The following TANC1 variants were observed in gnomAD, a reference collection of about 807,000 sequenced individuals.
TANC1 encodes the protein protein TANC1.
In TANC1, 77 loss-of-function variants were observed where a neutral mutation model predicts 149.7. The observed-to-expected ratio is 0.51, with a 90% CI of 0.43 to 0.62. TANC1 has a LOEUF of 0.62. Ranked by LOEUF, TANC1 falls within the 20% of genes least tolerant of loss-of-function variation. The pLI is 0.00. For synonymous variants in TANC1, 854 were observed against 925.0 expected, an observed-to-expected ratio of 0.92 and a Z score of 1.39; for missense variants, 1,985 against 2,321.8, an observed-to-expected ratio of 0.85 and a Z score of 2.98.
chr2:159,186,100 T>G (rs1325462270), intron 15 of TANC1, among the ~76,000 whole-genome samples: 1 of 152,228 alleles, frequency 6.6e-6, no homozygotes, highest in Non-Finnish European at 1.5e-5. Context: ...TTGCTATAGT[T>G]GATTGCTCAA....
intron 3 of TANC1, among the ~76,000 whole-genome samples, chr2:159,079,751 C>A (rs2044069521): frequency 6.6e-6 from 1 of 152,130 alleles, no homozygotes; most frequent in South Asian, 2.1e-4. Context: ...CCAGTGCCCG[C>A]AATAACAGTT....
intron 3 of TANC1, among the ~76,000 whole-genome samples, chr2:159,067,151 A>G (rs534681976): frequency 7.2e-5 from 11 of 152,362 alleles, no homozygotes; most frequent in African/African-American, 7.2e-5. Context: ...AGATCTTGCA[A>G]TGCCTTGTGA....
chr2:159,229,016 G>C, intron 26 of TANC1, 120 bp downstream of exon 26: 1 of 715,468 alleles, frequency 1.4e-6, no homozygotes, highest in South Asian at 1.7e-5. Flanking sequence ...ATCCTTTTTA[G>C]TAGTGAATTA....
chr2:159,065,410 C>T (rs1213183044), intron 2 of TANC1, among the ~76,000 whole-genome samples: 2 of 152,184 alleles, frequency 1.3e-5, no homozygotes, highest in Non-Finnish European at 1.5e-5. Flanking sequence ...ATAAGATATG[C>T]CTCATTTCAT....
At chr2:159,142,697 T>C (rs1559337793) in intron 5 of TANC1, among the ~76,000 whole-genome samples, 2 of 151,666 alleles carry the variant, frequency 1.3e-5, no homozygotes, top group Non-Finnish European at 2.9e-5. Context: ...TGACAACCCA[T>C]GGTTATTCTG....
chr2:159,109,332 C>T (rs2047494667), intron 4 of TANC1, among the ~76,000 whole-genome samples: 1 of 152,102 alleles, frequency 6.6e-6, no homozygotes, highest in Non-Finnish European at 1.5e-5. Flanking sequence ...AATAATGGGG[C>T]TTCTAAGATG....
intron 7 of TANC1, among the ~76,000 whole-genome samples, chr2:159,156,955 G>T (rs894525222): frequency 6.6e-6 from 1 of 152,216 alleles, no homozygotes; most frequent in African/African-American, 2.4e-5. Context: ...GGAATGTGCG[G>T]CTCGGGCCCC....
intron 19 of TANC1, among the ~76,000 whole-genome samples, chr2:159,212,314 G>A (rs970356967): frequency 6.6e-6 from 1 of 152,140 alleles, no homozygotes; most frequent in Non-Finnish European, 1.5e-5. Flanking sequence ...GGAGGAAGAG[G>A]GAGTTGTTCC....
intron 4 of TANC1, among the ~76,000 whole-genome samples, chr2:159,125,310 G>A (rs914011644): frequency 6.6e-6 from 1 of 152,210 alleles, no homozygotes; most frequent in African/African-American, 2.4e-5. Flanking sequence ...ACATGAGACA[G>A]TGTTTCATAG....
chr2:159,200,569 G>A (rs1357339830), intron 19 of TANC1, among the ~76,000 whole-genome samples: 1 of 152,192 alleles, frequency 6.6e-6, no homozygotes, highest in African/African-American at 2.4e-5. Context: ...GGCTTTGTTT[G>A]AGCTCTCTTC....
intron 2 of TANC1, among the ~76,000 whole-genome samples, chr2:159,042,302 G>T (rs2040707490): frequency 1.3e-5 from 2 of 152,156 alleles, no homozygotes; most frequent in Admixed American, 1.3e-4. Flanking sequence ...GTTCTTTCTG[G>T]CAGTGAAGCC....
chr2:159,132,183 A>G (rs1351815180), intron 4 of TANC1, among the ~76,000 whole-genome samples: 1 of 152,232 alleles, frequency 6.6e-6, no homozygotes, highest in Non-Finnish European at 1.5e-5. Flanking sequence ...CCTGACCTAA[A>G]AATGAGGGAA....
intron 12 of TANC1, 65 bp from the exon 13 acceptor site, chr2:159,176,287 C>A: frequency 2.1e-6 from 2 of 934,014 alleles, no homozygotes; most frequent in Non-Finnish European, 1.6e-6. Flanking sequence ...CTAAAATACA[C>A]TGGGTGTTGC....
intron 2 of TANC1, chr2:159,003,865 C>G: frequency 6.2e-7 from 1 of 1,612,192 alleles, no homozygotes. Context: ...AAAAGTTAGC[C>G]AAACTTCAGG....
intron 23 of TANC1, chr2:159,224,573 C>A: frequency 1.7e-6 from 1 of 591,260 alleles, no homozygotes; most frequent in Non-Finnish European, 2.9e-6. Flanking sequence ...AAAGCAGAGG[C>A]TGGTGTTGAA....
intron 2 of TANC1, among the ~76,000 whole-genome samples, chr2:159,035,261 T>C (rs2149496121): frequency 6.6e-6 from 1 of 152,308 alleles, no homozygotes. Context: ...AAGCTATTGA[T>C]GGGCATTTGA....
chr2:159,107,618 T>C (rs769024038), intron 4 of TANC1, among the ~76,000 whole-genome samples: 39 of 152,214 alleles, frequency 2.6e-4, no homozygotes, highest in Non-Finnish European at 5.4e-4. Flanking sequence ...CACTGAATTG[T>C]CTTCTCTTGA....
intron 1 of TANC1, among the ~76,000 whole-genome samples, chr2:158,977,937 G>T (rs554965865): frequency 3.9e-5 from 6 of 152,052 alleles, no homozygotes; most frequent in Non-Finnish European, 8.8e-5. Context: ...TGACTTTCAA[G>T]GGCTAGCTTA....
intron 14 of TANC1, among the ~76,000 whole-genome samples, chr2:159,182,142 A>G (rs577776489): frequency 3.7e-4 from 57 of 152,084 alleles, no homozygotes; most frequent in Non-Finnish European, 6.8e-4. Flanking sequence ...CCAGGAGGCG[A>G]AGGTTGCAGT....
Sources: gnomAD v4.1 joint callset for allele counts (sites outside exome capture counted in the v4.1 genomes callset) on GRCh38, gnomAD v4.1.1 for gene constraint, MANE v1.5 for transcripts, NCBI Gene and HGNC (gene_info 2026-07-23, HGNC 2026-07-21) for gene names.